The following TMEM63C variants were observed in gnomAD, a reference collection of about 807,000 sequenced individuals.
TMEM63C encodes the protein osmosensitive cation channel TMEM63C.
A neutral mutation model predicts 99.2 loss-of-function variants in TMEM63C; 32 were observed. That is an observed-to-expected ratio of 0.32 (90% confidence interval 0.24 to 0.43). The LOEUF (loss-of-function observed/expected upper bound fraction) is 0.43, where lower values mean the gene tolerates loss of function less well. Ranked by LOEUF, TMEM63C falls within the 20% of genes least tolerant of loss-of-function variation. The probability of loss-of-function intolerance (pLI) is 1.00; values close to 1 mark genes in which losing one functional copy is unlikely to be tolerated. For missense variants in TMEM63C, 826 were observed against 1,053.0 expected (o/e 0.78, Z 2.98); for synonymous variants, 376 against 397.9 (o/e 0.94, Z 0.66).
At chr14:77,239,871 C>T in intron 12 of TMEM63C, 145 bp downstream of exon 12, 1 of 1,213,578 alleles carries the variant, frequency 8.2e-7, no homozygotes, top group Non-Finnish European at 1.1e-6. Context: ...CCTCCCCATC[C>T]ACCATGTCCT....
chr14:77,229,692 T>C (rs1188482311), intron 6 of TMEM63C, among the ~76,000 whole-genome samples: 1 of 149,296 alleles, frequency 6.7e-6, no homozygotes, highest in Non-Finnish European at 1.5e-5. Flanking sequence ...GCTCAAGCAA[T>C]CCACCTGTCT....
intron 21 of TMEM63C, among the ~76,000 whole-genome samples, chr14:77,251,295 G>A (rs1037601963): frequency 6.6e-6 from 1 of 152,202 alleles, no homozygotes; most frequent in African/African-American, 2.4e-5. Flanking sequence ...CATTTACCTA[G>A]TTAGAAAACT....
intron 23 of TMEM63C, 35 bp from the exon 24 acceptor site, chr14:77,256,491 A>T: frequency 6.2e-7 from 1 of 1,610,318 alleles, no homozygotes; most frequent in African/African-American, 1.3e-5. Context: ...CCCCAACGTG[A>T]CCTTGCTCCT....
intron 1 of TMEM63C, among the ~76,000 whole-genome samples, chr14:77,191,538 C>CTTTTTTTTTTTTTTTTTTTTT (rs71125542): frequency 2.2e-4 from 18 of 82,606 alleles, no homozygotes; most frequent in South Asian, 4.9e-4. Flanking sequence ...TTTTCTTTTT[C>CTTTTTTTTTTTTTTTTTTTTT]TTTTTTTTTT....
intron 1 of TMEM63C, among the ~76,000 whole-genome samples, chr14:77,210,345 C>T (rs1888474068): frequency 6.6e-6 from 1 of 152,200 alleles, no homozygotes. Flanking sequence ...CAATCCACCA[C>T]TTTCCCCAGC....
chr14:77,200,087 A>G (rs1433232967), intron 1 of TMEM63C, among the ~76,000 whole-genome samples: 1 of 151,944 alleles, frequency 6.6e-6, no homozygotes, highest in African/African-American at 2.4e-5. Flanking sequence ...TAACTGAAAT[A>G]CCTCTTGCTG....
intron 1 of TMEM63C, among the ~76,000 whole-genome samples, chr14:77,204,340 G>A (rs1479921272): frequency 6.6e-6 from 1 of 152,154 alleles, no homozygotes; most frequent in Non-Finnish European, 1.5e-5. Flanking sequence ...GACAGAGGTG[G>A]GCAAGGGCTG....
rs1213161013 is a variant in TMEM63C at position 77,220,862 on chromosome 14, A to ATGCCC, written c.312+775_312+776insTGCCC. Among the ~76,000 whole-genome samples, 80 of 121,428 alleles carry ATGCCC rather than the reference A, an allele frequency of 6.6e-4. 19 individuals are homozygous for ATGCCC. The East Asian group carries it at 0.016, about 24-fold the overall frequency. 79.7% of individuals were successfully genotyped at this position (121,428 alleles called of 152,430 possible). On this transcript the variant is annotated intron_variant, in intron 5 of 23. Transcript: ENST00000298351. ...GTCACCACTTCCTCACCTCTCACTC[A>ATGCCC]CGCCCCGCCTCCCACTCACGCCCCG...
At chr14:77,249,482 AC>A in intron 21 of TMEM63C, 24 bp downstream of exon 21, 1 of 1,611,578 alleles carries the variant, frequency 6.2e-7, no homozygotes, top group Non-Finnish European at 8.5e-7. Flanking sequence ...CAGCCTGGAG[AC>A]CCCACCTCCA....
At chr14:77,193,767 G>A (rs998754849) in intron 1 of TMEM63C, among the ~76,000 whole-genome samples, 8 of 151,592 alleles carry the variant, frequency 5.3e-5, no homozygotes, top group African/African-American at 1.9e-4. Flanking sequence ...CCGGGAGGCA[G>A]AAGTTGCAGT....
At position 77,207,226 on chromosome 14, in the gene TMEM63C, G is replaced by T. The variant is rs148391170; in HGVS notation, c.-76-6220G>T. On this transcript the variant is annotated intron_variant, in intron 1 of 23. Transcript: ENST00000298351. ...TCTGTGGGGGTCCCAGAGGTGAGAT[G>T]GATGGGGTGGGGAAGCCAACACACT... Among the ~76,000 whole-genome samples the T allele has an allele frequency of 5.7e-4, 87 of 152,346 alleles. 1 individual carries two copies. Among genetic ancestry groups the T allele is most frequent in the African/African-American group, 2.0e-3 (85 of 41,582 alleles).
intron 6 of TMEM63C, among the ~76,000 whole-genome samples, chr14:77,229,662 G>A (rs56857708): frequency 0.034 from 4,770 of 140,402 alleles, 259 homozygotes; most frequent in African/African-American, 0.11. Flanking sequence ...ATGTTGCCCA[G>A]GCTGGTCTCG....
chr14:77,205,758 G>T (rs920049881), intron 1 of TMEM63C, among the ~76,000 whole-genome samples: 2 of 152,156 alleles, frequency 1.3e-5, no homozygotes, highest in Non-Finnish European at 2.9e-5. Flanking sequence ...GGCCAAGAGG[G>T]CCTCCCCTGG....
At chr14:77,202,227 C>T (rs187820461) in intron 1 of TMEM63C, among the ~76,000 whole-genome samples, 29 of 143,346 alleles carry the variant, frequency 2.0e-4, no homozygotes, top group Non-Finnish European at 2.3e-4. Context: ...CATCTAAAAC[C>T]CAAACTATAA....
At chr14:77,187,694 C>T (rs763188564) in intron 1 of TMEM63C, among the ~76,000 whole-genome samples, 10 of 152,234 alleles carry the variant, frequency 6.6e-5, no homozygotes, top group Non-Finnish European at 1.0e-4. Context: ...CCCAGACCAT[C>T]GCAGCCCTGA....
At position 77,228,071 on chromosome 14, in the gene TMEM63C, A is replaced by G. The variant is rs1265021283; in HGVS notation, c.350+2610A>G. The stretch of plus-strand genomic sequence containing the variant: ...AGGATGCCGAAGATGAGAGAGCAGA[A>G]CAATGGATCCAGCACGTCTTCAGAA... On this transcript the variant is annotated intron_variant, in intron 6 of 23. Transcript: ENST00000298351. Among the ~76,000 whole-genome samples, 8 of 152,270 alleles carry G rather than the reference A, an allele frequency of 5.3e-5. 1 individual carries two copies. In the East Asian group the frequency reaches 1.5e-3, roughly 29 times the overall value.
intron 22 of TMEM63C, among the ~76,000 whole-genome samples, 175 bp downstream of exon 22, chr14:77,252,073 TTGCGTGCA>T (rs1398259462): frequency 7.3e-6 from 1 of 137,476 alleles, no homozygotes; most frequent in South Asian, 2.2e-4. Context: ...CGTGCATGCC[TTGCGTGCA>T]TGCGTGCATG....
rs542127433 is a variant in TMEM63C, at chr14:77,246,124, A to T, written c.1535+98A>T. 120 of 965,078 alleles carry T rather than the reference A, an allele frequency of 1.2e-4. No homozygotes were observed. The South Asian group carries it at 1.5e-3, about 12-fold the overall frequency. The allele number at this position is 965,078 out of a possible 1,614,324, so 59.8% of individuals were successfully genotyped here. A position where few individuals can be genotyped will look rare whatever the true frequency, so the allele number is the denominator to read the frequency against. ...TGTAGACCTGCCTGTGATTGCTGCA[A>T]ACCCACTCCTCAAAGACAGCCCCAT... On this transcript the variant is annotated intron_variant, in intron 17 of 23. Transcript: ENST00000298351.
chr14:77,223,050 C>T (rs990756027), intron 5 of TMEM63C, among the ~76,000 whole-genome samples: 5 of 152,110 alleles, frequency 3.3e-5, no homozygotes, highest in Admixed American at 6.6e-5. Context: ...CCTCGAGAGG[C>T]GGGGTCCTTC....
Sources: gnomAD v4.1 joint callset for allele counts (sites outside exome capture counted in the v4.1 genomes callset) on GRCh38, gnomAD v4.1.1 for gene constraint, MANE v1.5 for transcripts, NCBI Gene and HGNC (gene_info 2026-07-23, HGNC 2026-07-21) for gene names.